The following SCRIB variants were observed in gnomAD, a reference collection of about 807,000 sequenced individuals.
SCRIB encodes protein scribble homolog.
A neutral mutation model predicts 170.0 loss-of-function variants in SCRIB; 72 were observed. The observed-to-expected ratio is 0.42, with a 90% confidence interval of 0.35 to 0.52. SCRIB has a LOEUF of 0.52. SCRIB is among the 20% of genes least tolerant of loss of function. SCRIB has a pLI of 0.02. For missense variants in SCRIB, 2,475 were observed against 2,338.5 expected, an observed-to-expected ratio of 1.06 and a Z score of -1.20; for synonymous variants, 1,298 against 1,044.3, an observed-to-expected ratio of 1.24 and a Z score of -4.68.
chr8:143,801,285 A>G (rs759658718), intron 24 of SCRIB, among the ~76,000 whole-genome samples: 2 of 152,202 alleles, frequency 1.3e-5, no homozygotes, highest in East Asian at 3.9e-4. Context: ...CAGGAGGCGG[A>G]GGCTGCAGTG....
rs1554636180 is a variant in SCRIB at position 143,805,172 on chromosome 8, CCT to C, written c.2608_2609del (p.Arg870GlyfsTer19). 1.3e-6 allele frequency: 2 copies of C among 1,574,236 alleles called. No homozygotes were observed. The highest frequency in any genetic ancestry group is 1.7e-6 in the Non-Finnish European group (2 of 1,159,578). On this transcript the variant is annotated frameshift_variant, in exon 19 of 37. Transcript: ENST00000356994. LOFTEE classifies it high-confidence loss of function. ...RHVACLARSE[R>X]GLGFSIAGGK... ...CACCAGCAATGCTGAAGCCCAGCCC[CCT>C]CTCGCTGCGTGCCAGGCAGGCCACG...
At chr8:143,813,220 C>T in intron 6 of SCRIB, 91 bp downstream of exon 6, 1 of 1,591,374 alleles carries the variant, frequency 6.3e-7, no homozygotes, top group Non-Finnish European at 8.6e-7. Flanking sequence ...CCCGAGGTGC[C>T]CCTTGCTGTC....
Position 143,809,041 on chromosome 8 carries a change from G to A in SCRIB, c.1699-16C>T, listed in dbSNP as rs780872296. ...GCACCGTGGGCTGTGCGGACAAAAG[G>A]GTGAGGGTGGCCCCAGCTCTGTGGC... On this transcript the variant is annotated splice_polypyrimidine_tract_variant and intron_variant, in intron 14 of 36. Transcript: ENST00000356994. 16 of 1,598,948 alleles carry A rather than the reference G, an allele frequency of 1.0e-5. No individual in the cohort carries two copies. The highest frequency in any genetic ancestry group is 2.2e-5 in the East Asian group (1 of 44,740).
chr8:143,794,198 T>C (rs1218707095), intron 27 of SCRIB: 7 of 532,708 alleles, frequency 1.3e-5, no homozygotes, highest in Non-Finnish European at 2.0e-5. Context: ...GTGTGCTGGC[T>C]GGAGCTTTGC....
In SCRIB at chr8:143,803,947, G is replaced by C. The variant is rs1395079767; in HGVS notation, c.3121-7C>G. The C allele has an allele frequency of 6.3e-7, 1 of 1,576,062 alleles. No individual in the cohort carries two copies. Among genetic ancestry groups the C allele is most frequent in the East Asian group, 2.3e-5 (1 of 43,820 alleles). ...CCAGGCCCCGCGGGAGCACCTGTCA[G>C]GGAGGAGGGTGGCAGCTGGTGGCTG... On this transcript the variant is annotated splice_polypyrimidine_tract_variant and splice_region_variant and intron_variant, in intron 22 of 36. Coordinates refer to ENST00000356994, the MANE Select transcript of SCRIB (RefSeq NM_182706.5).
At position 143,791,916 on chromosome 8, in the gene SCRIB, G is replaced by A. The variant is rs781787287; in HGVS notation, c.4658-3C>T. On this transcript the variant is annotated splice_polypyrimidine_tract_variant and splice_region_variant and intron_variant, in intron 33 of 36. Coordinates refer to ENST00000356994, the MANE Select transcript of SCRIB (RefSeq NM_182706.5). ...GGTGCTGGTCTGGGGGCCGAGGTCT[G>A]GGGGGACAAGAAGCGGGCATTGGAA... The A allele has an allele frequency of 3.8e-5, 57 of 1,515,660 alleles. No individual in the cohort carries two copies. The highest frequency in any genetic ancestry group is 5.0e-5 in the Non-Finnish European group (56 of 1,131,254). 93.9% of individuals were successfully genotyped at this position (1,515,660 alleles called of 1,614,324 possible). A position where few individuals can be genotyped will look rare whatever the true frequency, so the allele number is the denominator to read the frequency against.
Position 143,805,240 on chromosome 8 carries a change from G to A in SCRIB, c.2542C>T (p.Leu848=). Residue 848 remains leucine, a synonymous_variant, in exon 19 of 37, where the codon CTG becomes TTG. Coordinates refer to ENST00000356994, the MANE Select transcript of SCRIB (RefSeq NM_182706.5). ...GGCCCGGGGCTCTCAGGCGGGAGCA[G>A]GGGCAGGCGCAGCCCCCCTCCCCGC... is the stretch of plus-strand genomic sequence containing the variant. ...ERRGGGLRLP[L]LPPESPGPLR... is the part of the protein sequence containing the mutation. 6.5e-7 allele frequency: 1 copy of A among 1,539,186 alleles called. No individual in the cohort carries two copies. Among genetic ancestry groups the A allele is most frequent in the Non-Finnish European group, 8.7e-7 (1 of 1,147,456 alleles).
chr8:143,792,337 C>T lies in SCRIB; in HGVS notation c.4397G>A (p.Arg1466His), dbSNP rs2129985097. The change falls in exon 32 of 37, where the codon CGC becomes CAC. Residue 1466 changes from arginine (R) to histidine (H), a missense_variant. By Grantham distance (29) the Arg-to-His change is conservative. This residue lies in a region of SCRIB where 1,966 missense variants were observed against 1,742.9 expected (regional missense o/e 1.13). Transcript: ENST00000356994. ...CTGCACGCGCAGCCGCTCCTGGTGGCGCCGTTCAGCTTTGGCCGTCCGCAC... is the reference window on the plus strand; with the variant it reads ...CTGCACGCGCAGCCGCTCCTGGTGGTGCCGTTCAGCTTTGGCCGTCCGCAC... ...APVRTAKAER[R>H]HQERLRVQSP... 6.5e-7 allele frequency: 1 copy of T among 1,544,506 alleles called. No homozygotes were observed. Among genetic ancestry groups the T allele is most frequent in the Non-Finnish European group, 8.7e-7 (1 of 1,151,540 alleles).
intron 24 of SCRIB, among the ~76,000 whole-genome samples, chr8:143,799,089 T>G (rs1815066026): frequency 6.6e-6 from 1 of 152,172 alleles, no homozygotes; most frequent in African/African-American, 2.4e-5. Context: ...TTTGGAAGAT[T>G]CCAGGGCCCC....
rs764381902 is a variant in SCRIB, at chr8:143,810,636, C to T, written c.1405-32G>A. On this transcript the variant is annotated intron_variant, in intron 12 of 36. Coordinates refer to ENST00000356994, the MANE Select transcript of SCRIB (RefSeq NM_182706.5). Reference sequence around the variant, plus strand: ...TAGGGACAAGGATGAGCAGCAGCCACAGGGCAGGGGTCAGGCAGAGGTTCG... The same window carrying T: ...TAGGGACAAGGATGAGCAGCAGCCATAGGGCAGGGGTCAGGCAGAGGTTCG... 10 of 1,607,720 alleles carry T rather than the reference C, an allele frequency of 6.2e-6. No individual in the cohort carries two copies. The Admixed American group carries it at 1.3e-4, about 21-fold the overall frequency.
intron 8 of SCRIB, 57 bp from the exon 9 acceptor site, chr8:143,812,441 C>T (rs1815780731): frequency 1.5e-6 from 2 of 1,346,116 alleles, no homozygotes; most frequent in Non-Finnish European, 2.1e-6. Flanking sequence ...CGTGCCTTAC[C>T]CACCTGGCCA....
chr8:143,792,320 G>A lies in SCRIB; in HGVS notation c.4414C>T (p.Arg1472Cys), dbSNP rs782195452. The A allele has an allele frequency of 2.2e-5, 34 of 1,550,326 alleles. No individual in the cohort carries two copies. Among genetic ancestry groups the A allele is most frequent in the African/African-American group, 2.7e-5 (2 of 73,690 alleles). Residue 1472 changes from arginine (R) to cysteine (C), a missense_variant, in exon 32 of 37, where the codon CGC becomes TGC. By Grantham distance (180) the Arg-to-Cys change is radical. This residue lies in a region of SCRIB where 1,966 missense variants were observed against 1,742.9 expected (regional missense o/e 1.13). Coordinates refer to ENST00000356994, the MANE Select transcript of SCRIB (RefSeq NM_182706.5). The stretch of plus-strand genomic sequence containing the variant: ...GCCGGTGGCTCCGGACTCTGCACGC[G>A]CAGCCGCTCCTGGTGGCGCCGTTCA... The part of the protein sequence containing the change: ...KAERRHQERL[R>C]VQSPEPPAPE...
At chr8:143,802,631 A>G (rs4874102) in intron 24 of SCRIB, among the ~76,000 whole-genome samples, 138,825 of 152,360 alleles carry the variant, frequency 0.91, 63,267 homozygotes, top group East Asian at 0.98. Context: ...CAGCCTGCAC[A>G]CCCTGGCGCC....
intron 24 of SCRIB, among the ~76,000 whole-genome samples, chr8:143,797,111 A>G (rs1814977852): frequency 6.6e-6 from 1 of 152,150 alleles, no homozygotes; most frequent in African/African-American, 2.4e-5. Flanking sequence ...AGGGCTGGGC[A>G]GGGTATGGAG....
intron 24 of SCRIB, among the ~76,000 whole-genome samples, chr8:143,797,176 G>T (rs1366862385): frequency 6.6e-6 from 1 of 152,228 alleles, no homozygotes; most frequent in Non-Finnish European, 1.5e-5. Flanking sequence ...GAGAGGGGAG[G>T]TCGTGTCAGA....
chr8:143,805,658 G>C (rs1392701672), intron 18 of SCRIB, among the ~76,000 whole-genome samples: 1 of 152,198 alleles, frequency 6.6e-6, no homozygotes, highest in African/African-American at 2.4e-5. Context: ...GGAAGCCCTA[G>C]GGCCAGGACA....
chr8:143,814,566 G>A (rs779848505), intron 1 of SCRIB, among the ~76,000 whole-genome samples: 4 of 152,112 alleles, frequency 2.6e-5, no homozygotes, highest in African/African-American at 4.8e-5. Flanking sequence ...AGTGCTACGC[G>A]CGAGGCCTGC....
intron 28 of SCRIB, chr8:143,793,374 G>A: frequency 2.8e-6 from 1 of 359,936 alleles, no homozygotes; most frequent in Non-Finnish European, 5.0e-6. Flanking sequence ...CGGGGGCAGA[G>A]GAGAGCAGGA....
chr8:143,812,486 C>A, intron 8 of SCRIB, 102 bp from the exon 9 acceptor site: 1 of 893,478 alleles, frequency 1.1e-6, no homozygotes. Flanking sequence ...AGGCCCCCAG[C>A]CCCTTCTGCC....
Sources: allele counts gnomAD v4.1 joint callset (sites outside exome capture counted in the v4.1 genomes callset), GRCh38; gene constraint gnomAD v4.1.1; regional missense constraint gnomAD v4.1.1; transcripts MANE v1.5; gene names NCBI Gene and HGNC (gene_info 2026-07-23, HGNC 2026-07-21).